Variants in IRS2 observed in about 807,000 individuals in gnomAD.
The protein encoded by IRS2 is insulin receptor substrate 2.
A neutral mutation model predicts 70.9 loss-of-function variants in IRS2; 28 were observed. The ratio of observed to expected loss-of-function variants is 0.39; its 90% confidence interval spans 0.29 to 0.54. The LOEUF is 0.54. Among genes scored for constraint, IRS2 ranks in the 20% least tolerant of loss-of-function variants. The pLI is 0.59. For missense variants in IRS2, 2,081 were observed against 2,024.1 expected (o/e 1.03, Z -0.54); for synonymous variants, 1,217 against 981.9 (o/e 1.24, Z -4.48).
chr13:109,785,500 C>T lies in IRS2; in HGVS notation c.554G>A (p.Gly185Glu). The change falls in exon 1 of 2, where the codon GGG (glycine) becomes GAG (glutamate). Residue 185 changes from glycine (G) to glutamate (E), a missense_variant. By Grantham distance (98) the Gly-to-Glu change is moderately conservative. Transcript: ENST00000375856. The surrounding 1 kb of genome is among the most constrained non-coding windows in gnomAD (Gnocchi z 9.3). ...AGAAGAEDSY[G>E]LVAPATAAYR... is the part of the protein sequence containing the mutation. Reference sequence around the variant, plus strand: ...GGCGGCCGTGGCGGGAGCCACCAGCCCGTAGCTGTCCTCGGCCCCGGCGGC... The same window carrying T: ...GGCGGCCGTGGCGGGAGCCACCAGCTCGTAGCTGTCCTCGGCCCCGGCGGC... The T allele has an allele frequency of 6.2e-7, 1 of 1,610,808 alleles. No individual in the cohort carries two copies. Among genetic ancestry groups the T allele is most frequent in the Non-Finnish European group, 8.5e-7 (1 of 1,179,248 alleles).
chr13:109,785,914 A>T lies in IRS2; in HGVS notation c.140T>A (p.Phe47Tyr). 1 of 1,495,156 alleles carries T rather than the reference A, an allele frequency of 6.7e-7. No individual in the cohort carries two copies. Among genetic ancestry groups the T allele is most frequent in the Non-Finnish European group, 8.9e-7 (1 of 1,129,470 alleles). The allele number at this position is 1,495,156 out of a possible 1,614,324, so 92.6% of individuals were successfully genotyped here. Residue 47 changes from phenylalanine to tyrosine, a missense_variant, in exon 1 of 2, where the codon TTC becomes TAC. Transcript: ENST00000375856. The surrounding 1 kb of genome is among the most constrained non-coding windows in gnomAD (Gnocchi z 9.3). ...CGCGCCGGGTCCGCGCAGCACGAAG[A>T]AGCGCTTGTGGCCATGCTTCTGCTT... is the stretch of plus-strand genomic sequence containing the variant. ...LRKQKHGHKR[F>Y]FVLRGPGAGG...
intron 1 of IRS2, among the ~76,000 whole-genome samples, chr13:109,771,979 T>C (rs143720574): frequency 1.4e-4 from 21 of 152,390 alleles, no homozygotes; most frequent in African/African-American, 5.0e-4. Context: ...AGTAAAGAAA[T>C]TCTGGCCTAT....
chr13:109,763,902 C>A (rs1403834242), intron 1 of IRS2, among the ~76,000 whole-genome samples: 1 of 152,102 alleles, frequency 6.6e-6, no homozygotes, highest in South Asian at 2.1e-4. Flanking sequence ...TCAACTGGAC[C>A]TTTTTTCTAC....
chr13:109,756,352 C>T, intron 1 of IRS2, 44 bp from the exon 2 acceptor site: 1 of 1,597,300 alleles, frequency 6.3e-7, no homozygotes, highest in South Asian at 1.1e-5. Flanking sequence ...CTCAGGAGAA[C>T]AGAGCAATCT....
intron 1 of IRS2, among the ~76,000 whole-genome samples, chr13:109,776,260 A>G (rs1877575746): frequency 1.3e-5 from 2 of 152,386 alleles, no homozygotes; most frequent in African/African-American, 2.4e-5. Context: ...TCCAAATTTC[A>G]GTAAAAACAC....
chr13:109,783,941 C>T lies in IRS2; in HGVS notation c.2113G>A (p.Ala705Thr), dbSNP rs1006865204. Residue 705 changes from alanine (A) to threonine (T), a missense_variant, in exon 1 of 2, where the codon GCG becomes ACG. Ala to Thr is a moderately conservative substitution (Grantham distance 58). This residue lies in a region of IRS2 where 1,615 missense variants were observed against 1,459.5 expected (regional missense o/e 1.11). Coordinates refer to ENST00000375856, the MANE Select transcript of IRS2 (RefSeq NM_003749.3). Reference sequence around the variant, plus strand: ...GTGGGTGCTGGCCCCGCAGGCCCCGCAGAAGGCACGGCGGCGGCGGCGGCG... The same window carrying T: ...GTGGGTGCTGGCCCCGCAGGCCCCGTAGAAGGCACGGCGGCGGCGGCGGCG... ...AAAAAAAVPS[A>T]GPAGPAPTSA... The T allele has an allele frequency of 6.5e-7, 1 of 1,536,452 alleles. No homozygotes were observed. The highest frequency in any genetic ancestry group is 2.0e-5 in the Admixed American group (1 of 50,116).
chr13:109,758,489 CT>C (rs1877155205), intron 1 of IRS2, among the ~76,000 whole-genome samples: 3 of 151,970 alleles, frequency 2.0e-5, no homozygotes, highest in Admixed American at 2.0e-4. Flanking sequence ...TAAATTATTG[CT>C]GAAAAAAATT....
chr13:109,764,307 G>A (rs1877288926), intron 1 of IRS2, among the ~76,000 whole-genome samples: 1 of 152,158 alleles, frequency 6.6e-6, no homozygotes. Flanking sequence ...GGTCCCCAGG[G>A]CTAGCATCTA....
In IRS2 at chr13:109,782,151, G is replaced by A. The variant is rs2138928930; in HGVS notation, c.3903C>T (p.Ser1301=). ...CCGGCCCCCCGCACCCGCCGCCGGT[G>A]CTGCCGACGCCCACAGCGCTGATGA... ...GGLISAVGVG[S]TGGGCGGPGP... Residue 1301 remains serine (S), a synonymous_variant, in exon 1 of 2, where the codon AGC becomes AGT. Transcript: ENST00000375856. 1.2e-6 allele frequency: 2 copies of A among 1,606,614 alleles called. No individual in the cohort carries two copies. Among genetic ancestry groups the A allele is most frequent in the Non-Finnish European group, 1.7e-6 (2 of 1,177,100 alleles).
chr13:109,772,810 C>G (rs1276845000), intron 1 of IRS2, among the ~76,000 whole-genome samples: 1 of 151,750 alleles, frequency 6.6e-6, no homozygotes, highest in Non-Finnish European at 1.5e-5. Context: ...ATTCTCCTGC[C>G]TCAGCCTCCC....
chr13:109,777,375 C>G (rs1877602014), intron 1 of IRS2, among the ~76,000 whole-genome samples: 1 of 152,152 alleles, frequency 6.6e-6, no homozygotes, highest in African/African-American at 2.4e-5. Context: ...ACAGAAAACC[C>G]ATTATACTCA....
At position 109,762,112 on chromosome 13, in the gene IRS2, G is replaced by T. The variant is rs541415012; in HGVS notation, c.4013-5804C>A. ...AGCCTGTATAAATTTTACAGTGCACGGCTACAGCAGATTGTGTAACACAGA... is the reference window on the plus strand; with the variant it reads ...AGCCTGTATAAATTTTACAGTGCACTGCTACAGCAGATTGTGTAACACAGA... On this transcript the variant is annotated intron_variant, in intron 1 of 1. Coordinates refer to ENST00000375856, the MANE Select transcript of IRS2 (RefSeq NM_003749.3). Among the ~76,000 whole-genome samples the T allele has an allele frequency of 1.7e-3, 258 of 152,238 alleles. 2 individuals are homozygous for T. Among genetic ancestry groups the T allele is most frequent in the South Asian group, 0.011 (55 of 4,824 alleles).
Position 109,786,143 on chromosome 13 carries a change from C to A in IRS2, c.-90G>T. ...GGCGCGGGCGGGGGCGGCTCCCTCC[C>A]ACCCTTGCGCCCGGCCGCCCGCCCG... On this transcript the variant is annotated 5_prime_UTR_variant, in exon 1 of 2. Coordinates refer to ENST00000375856, the MANE Select transcript of IRS2 (RefSeq NM_003749.3). The surrounding 1 kb of genome is among the most constrained non-coding windows in gnomAD (Gnocchi z 4.4). 1.3e-6 allele frequency: 1 copy of A among 751,196 alleles called. No homozygotes were observed. Among genetic ancestry groups the A allele is most frequent in the Non-Finnish European group, 1.6e-6 (1 of 618,538 alleles). 46.5% of individuals were successfully genotyped at this position (751,196 alleles called of 1,614,324 possible). A position where few individuals can be genotyped will look rare whatever the true frequency, so the allele number is the denominator to read the frequency against.
In IRS2 at chr13:109,785,659, T is replaced by C. The variant is rs778487451; in HGVS notation, c.395A>G (p.Gln132Arg). The C allele has an allele frequency of 1.9e-6, 3 of 1,592,306 alleles. No individual in the cohort carries two copies. The highest frequency in any genetic ancestry group is 2.7e-5 in the African/African-American group (2 of 73,910). ...GGTGAGCGCGCGGTACCAGCCCTCC[T>C]GCTCCTGCTCGTTCTCGGCGGCCAC... ...FAVAAENEQE[Q>R]EGWYRALTDL... Residue 132 changes from glutamine to arginine, a missense_variant, in exon 1 of 2, where the codon CAG becomes CGG. Around this residue, in one of 4 missense-constraint regions of IRS2, gnomAD observed 320 missense variants for 352.9 expected, o/e 0.91. Transcript: ENST00000375856. The surrounding 1 kb of genome is among the most constrained non-coding windows in gnomAD (Gnocchi z 9.3).
intron 1 of IRS2, among the ~76,000 whole-genome samples, chr13:109,773,081 A>G (rs943070122): frequency 1.3e-5 from 2 of 152,202 alleles, no homozygotes; most frequent in African/African-American, 2.4e-5. Flanking sequence ...AAGTGAGGTT[A>G]TACCCACGTC....
intron 1 of IRS2, among the ~76,000 whole-genome samples, chr13:109,758,547 T>C (rs1207053398): frequency 1.6e-5 from 1 of 61,680 alleles, no homozygotes. Flanking sequence ...GACATTTTCA[T>C]TGTTTTTTTT....
intron 1 of IRS2, among the ~76,000 whole-genome samples, chr13:109,773,504 G>A (rs964534552): frequency 6.6e-6 from 1 of 152,216 alleles, no homozygotes; most frequent in African/African-American, 2.4e-5. Context: ...GGCTGAACCT[G>A]TTACACAGAG....
intron 1 of IRS2, among the ~76,000 whole-genome samples, chr13:109,760,844 T>G (rs1236488513): frequency 6.6e-6 from 1 of 152,222 alleles, no homozygotes; most frequent in Admixed American, 6.5e-5. Flanking sequence ...TTCCTTGTAA[T>G]ATATGGAACA....
Position 109,782,924 on chromosome 13 carries a change from G to A in IRS2, c.3130C>T (p.Leu1044=), listed in dbSNP as rs1385034575. The A allele has an allele frequency of 6.5e-7, 1 of 1,540,190 alleles. No individual in the cohort carries two copies. The highest frequency in any genetic ancestry group is 1.4e-5 in the African/African-American group (1 of 71,500). Residue 1044 remains leucine, a synonymous_variant, in exon 1 of 2, where the codon CTG becomes TTG. Transcript: ENST00000375856. ...PPPAPGELYR[L]PPASAVATAQ... ...GTGGCAACGGCCGAGGCGGGGGGCA[G>A]GCGGTACAGCTCCCCCGGGGCCGGC... is the stretch of plus-strand genomic sequence containing the variant.
Sources: allele counts gnomAD v4.1 joint callset (sites outside exome capture counted in the v4.1 genomes callset), GRCh38; gene constraint gnomAD v4.1.1; regional missense constraint gnomAD v4.1.1; non-coding constraint Gnocchi (gnomAD v3.1); transcripts MANE v1.5; gene names NCBI Gene and HGNC (gene_info 2026-07-23, HGNC 2026-07-21).